Variants in PEAK1 observed in about 807,000 individuals in gnomAD.
PEAK1 encodes the protein pseudopodium enriched atypical kinase 1.
Under a neutral mutation model 124.7 loss-of-function variants are expected in PEAK1, and 54 were observed. The observed-to-expected ratio is 0.43, with a 90% CI of 0.35 to 0.54. The LOEUF (loss-of-function observed/expected upper bound fraction) is 0.54, where lower values mean the gene tolerates loss of function less well. Ranked by LOEUF, PEAK1 falls within the 20% of genes least tolerant of loss-of-function variation. The pLI, the probability that PEAK1 is intolerant of heterozygous loss-of-function variation, is 0.01. For missense variants in PEAK1, 2,046 were observed against 2,134.5 expected (o/e 0.96, Z 0.82); for synonymous variants, 719 against 760.0 (o/e 0.95, Z 0.89).
chr15:77,143,547 C>T (rs926644458), intron 8 of PEAK1, among the ~76,000 whole-genome samples: 85 of 152,280 alleles, frequency 5.6e-4, no homozygotes, highest in African/African-American at 2.0e-3. Context: ...CTCTTATATC[C>T]TAAGTCAGAG....
rs116774555 is a variant in PEAK1 at position 77,123,665 on chromosome 15, A to G, written c.4078-8346T>C. 4.1e-3 allele frequency among the ~76,000 whole-genome samples: 624 copies of G among 152,318 alleles called. 6 individuals carry two copies. The highest frequency in any genetic ancestry group is 0.014 in the African/African-American group (592 of 41,568). ...TTTAGATATGAGGATTTAGTCTACT[A>G]TGAGGATATGAGGATTATGTACTTG... On this transcript the variant is annotated intron_variant, in intron 9 of 9. Coordinates refer to ENST00000682557, the MANE Select transcript of PEAK1 (RefSeq NM_001385026.1).
At chr15:77,283,560 A>T (rs1004837548) in intron 5 of PEAK1, among the ~76,000 whole-genome samples, 2 of 152,330 alleles carry the variant, frequency 1.3e-5, no homozygotes, top group South Asian at 4.1e-4. Flanking sequence ...TTGTAGCTCT[A>T]CAACTACAAA....
intron 7 of PEAK1, among the ~76,000 whole-genome samples, chr15:77,167,822 CG>C (rs1312378159): frequency 3.9e-5 from 6 of 152,094 alleles, no homozygotes; most frequent in African/African-American, 1.4e-4. Context: ...TGTGCCATGT[CG>C]GTTTGCTGCA....
intron 1 of PEAK1, chr15:77,417,611 CCA>C (rs2072994587): frequency 1.0e-6 from 1 of 985,252 alleles, no homozygotes; most frequent in Non-Finnish European, 1.2e-6. Context: ...ATGCCAGGGG[CCA>C]CAGTTTGGTT....
chr15:77,132,791 T>G (rs1461290520), intron 9 of PEAK1, among the ~76,000 whole-genome samples: 1 of 151,928 alleles, frequency 6.6e-6, no homozygotes, highest in African/African-American at 2.4e-5. Flanking sequence ...TATCTTTGCA[T>G]GCAGTATACT....
At chr15:77,202,806 G>A (rs1320143763) in intron 6 of PEAK1, among the ~76,000 whole-genome samples, 3 of 151,684 alleles carry the variant, frequency 2.0e-5, no homozygotes, top group Admixed American at 2.0e-4. Flanking sequence ...GGAGGCCGAG[G>A]TGGGCAGACT....
chr15:77,199,956 G>C (rs373955183), intron 6 of PEAK1, among the ~76,000 whole-genome samples: 1 of 152,244 alleles, frequency 6.6e-6, no homozygotes, highest in African/African-American at 2.4e-5. Context: ...AACAATGGAA[G>C]AAAGATTGGT....
chr15:77,233,537 T>C (rs1357562666), intron 6 of PEAK1, among the ~76,000 whole-genome samples: 1 of 152,250 alleles, frequency 6.6e-6, no homozygotes, highest in Admixed American at 6.5e-5. Flanking sequence ...TTTCTCAGTG[T>C]TGGAGTGACC....
intron 9 of PEAK1, among the ~76,000 whole-genome samples, chr15:77,117,951 T>C (rs1409529710): frequency 6.6e-6 from 1 of 152,240 alleles, no homozygotes; most frequent in Non-Finnish European, 1.5e-5. Context: ...AGAATGTGGA[T>C]ACTACAATAA....
At chr15:77,217,240 A>G (rs2059189594) in intron 6 of PEAK1, among the ~76,000 whole-genome samples, 1 of 151,484 alleles carries the variant, frequency 6.6e-6, no homozygotes, top group Non-Finnish European at 1.5e-5. Context: ...AAAAAAAAAA[A>G]AAAAAAAGGG....
intron 6 of PEAK1, among the ~76,000 whole-genome samples, chr15:77,244,254 GTTTCACT>G (rs2060481251): frequency 6.6e-6 from 1 of 152,198 alleles, no homozygotes; most frequent in Non-Finnish European, 1.5e-5. Context: ...ACATCAGGTT[GTTTCACT>G]TTATCTATTA....
chr15:77,392,421 A>C (rs2070547789), intron 1 of PEAK1, among the ~76,000 whole-genome samples: 1 of 152,252 alleles, frequency 6.6e-6, no homozygotes, highest in Admixed American at 6.5e-5. Context: ...ATAATATATC[A>C]AACAGCTTAA....
At chr15:77,335,999 CAG>C (rs925395212) in intron 2 of PEAK1, 3 of 985,204 alleles carry the variant, frequency 3.0e-6, no homozygotes, top group Middle Eastern at 5.2e-4. Context: ...TCCAAATGGT[CAG>C]AGTTAATAGA....
chr15:77,165,896 C>G (rs1233367916), intron 7 of PEAK1, among the ~76,000 whole-genome samples: 1 of 152,134 alleles, frequency 6.6e-6, no homozygotes, highest in Non-Finnish European at 1.5e-5. Context: ...GAGTTGGGAT[C>G]TGAATAGATA....
chr15:77,195,966 C>A (rs1278883297), intron 6 of PEAK1, among the ~76,000 whole-genome samples: 1 of 152,224 alleles, frequency 6.6e-6, no homozygotes, highest in Non-Finnish European at 1.5e-5. Flanking sequence ...GTGTCTCCCT[C>A]CAGATCACTC....
intron 5 of PEAK1, among the ~76,000 whole-genome samples, chr15:77,280,600 ACCTATT>A (rs1186797955): frequency 5.3e-5 from 8 of 151,242 alleles, no homozygotes; most frequent in African/African-American, 1.7e-4. Context: ...TTATTCTAAA[ACCTATT>A]CCTATTCCAT....
At chr15:77,120,347 T>C (rs777886178) in intron 9 of PEAK1, among the ~76,000 whole-genome samples, 9 of 152,192 alleles carry the variant, frequency 5.9e-5, no homozygotes, top group Non-Finnish European at 1.2e-4. Flanking sequence ...TTTCTTCCCA[T>C]ATATGTCCTA....
chr15:77,268,723 TA>T (rs1197569556), intron 5 of PEAK1, among the ~76,000 whole-genome samples: 1 of 152,058 alleles, frequency 6.6e-6, no homozygotes, highest in African/African-American at 2.4e-5. Flanking sequence ...TCAGGTTATC[TA>T]AAATCAAGAT....
intron 6 of PEAK1, among the ~76,000 whole-genome samples, chr15:77,207,551 A>G (rs1042183871): frequency 1.3e-5 from 2 of 152,246 alleles, no homozygotes; most frequent in South Asian, 4.1e-4. Context: ...CACATTATTA[A>G]GTGAAAGAGG....
Sources: allele counts gnomAD v4.1 joint callset (sites outside exome capture counted in the v4.1 genomes callset), GRCh38; gene constraint gnomAD v4.1.1; transcripts MANE v1.5; gene names NCBI Gene and HGNC (gene_info 2026-07-23, HGNC 2026-07-21).